CENPE: variants seen among roughly 807,000 people sequenced by gnomAD.
CENPE encodes centromere protein E.
In CENPE, 145 loss-of-function variants were observed where a neutral mutation model predicts 336.1. The observed-to-expected ratio is 0.43, with a 90% CI of 0.38 to 0.50. The LOEUF (loss-of-function observed/expected upper bound fraction) is 0.50. Among genes scored for constraint, CENPE ranks in the 20% least tolerant of loss-of-function variants. The pLI, the probability that CENPE is intolerant of heterozygous loss-of-function variation, is 0.00. For synonymous variants in CENPE, 1,013 were observed against 984.8 expected (o/e 1.03, Z -0.54); for missense variants, 2,719 against 3,023.3 (o/e 0.90, Z 2.36).
chr4:103,182,499 AAATT>A (rs1327894078), intron 11 of CENPE, among the ~76,000 whole-genome samples: 1 of 152,228 alleles, frequency 6.6e-6, no homozygotes, highest in Non-Finnish European at 1.5e-5. Flanking sequence ...CTTTTACAAT[AAATT>A]AAGTACAAAA....
At chr4:103,197,921 A>G (rs1018088749) in intron 1 of CENPE, among the ~76,000 whole-genome samples, 1 of 152,350 alleles carries the variant, frequency 6.6e-6, no homozygotes, top group Admixed American at 6.5e-5. Context: ...TAAAATGACT[A>G]ACTGTGATGA....
chr4:103,110,581 A>G (rs1301161995), intron 47 of CENPE, among the ~76,000 whole-genome samples: 1 of 152,092 alleles, frequency 6.6e-6, no homozygotes, highest in Non-Finnish European at 1.5e-5. Flanking sequence ...GCCCCCTCAA[A>G]GGTCTTTGTT....
intron 43 of CENPE, 44 bp from the exon 44 acceptor site, chr4:103,120,377 G>C: frequency 6.8e-7 from 1 of 1,471,974 alleles, no homozygotes; most frequent in South Asian, 1.2e-5. Flanking sequence ...CATCAAGACA[G>C]AATCACAGTA....
In CENPE at chr4:103,174,796, T is replaced by G; in HGVS notation, c.1587A>C (p.Lys529Asn). ...CAAATTCATCCAAATCATTCTTTTC[T>G]TTTAATTTCAATTCCATTTCTTCTT... is the stretch of plus-strand genomic sequence containing the variant. ...TEKEEMELKL[K>N]EKNDLDEFEA... Residue 529 changes from lysine to asparagine, a missense_variant, in exon 16 of 49, where the codon AAA becomes AAC. By Grantham distance (94) the Lys-to-Asn change is moderately conservative. This residue lies in a region of CENPE where 2,437 missense variants were observed against 2,513.3 expected (regional missense o/e 0.97). Transcript: ENST00000265148. 5.8e-6 allele frequency: 9 copies of G among 1,554,884 alleles called. No individual in the cohort carries two copies. Among genetic ancestry groups the G allele is most frequent in the Non-Finnish European group, 7.8e-6 (9 of 1,150,176 alleles).
At chr4:103,160,075 T>G (rs549452558) in intron 21 of CENPE, among the ~76,000 whole-genome samples, 1 of 151,954 alleles carries the variant, frequency 6.6e-6, no homozygotes, top group South Asian at 2.1e-4. Context: ...ATAAGACGAG[T>G]AAATGAAATA....
At chr4:103,123,389 C>T (rs1370436920) in intron 42 of CENPE, among the ~76,000 whole-genome samples, 2 of 152,084 alleles carry the variant, frequency 1.3e-5, no homozygotes, top group Non-Finnish European at 2.9e-5. Flanking sequence ...TGCTGTATTG[C>T]AGTACTTGTG....
chr4:103,157,025 G>C (rs957986757), intron 24 of CENPE, among the ~76,000 whole-genome samples: 1 of 134,134 alleles, frequency 7.5e-6, no homozygotes, highest in Non-Finnish European at 1.5e-5. Context: ...ACCACGATGA[G>C]ATACTGCCTC....
At chr4:103,152,929 C>A in intron 25 of CENPE, 118 bp downstream of exon 25, 2 of 735,870 alleles carry the variant, frequency 2.7e-6, no homozygotes, top group Non-Finnish European at 4.3e-6. Flanking sequence ...AGTCGTCAGA[C>A]CATACACTTC....
chr4:103,175,837 G>C (rs1327516479), intron 15 of CENPE, 123 bp downstream of exon 15: 1 of 582,988 alleles, frequency 1.7e-6, no homozygotes, highest in Non-Finnish European at 2.9e-6. Context: ...AATGTAAAGA[G>C]AAAAGCCTTC....
chr4:103,154,804 C>T (rs1753836945), intron 24 of CENPE, among the ~76,000 whole-genome samples: 1 of 152,094 alleles, frequency 6.6e-6, no homozygotes, highest in Admixed American at 6.5e-5. Flanking sequence ...TAAGAATAAG[C>T]TTACTAATCA....
At position 103,148,705 on chromosome 4, in the gene CENPE, C is replaced by G. The variant is rs1263908125; in HGVS notation, c.3843+139G>C. On this transcript the variant is annotated intron_variant, in intron 28 of 48. Coordinates refer to ENST00000265148, the MANE Select transcript of CENPE (RefSeq NM_001813.3). ...TGCATTTCTATAACCTAGGAGTGTG[C>G]CTGCCACATTAAACACTCGACAAAT... 4 of 733,460 alleles carry G rather than the reference C, an allele frequency of 5.5e-6. No individual in the cohort carries two copies. The African/African-American group carries it at 7.1e-5, about 13-fold the overall frequency. 45.4% of individuals were successfully genotyped at this position (733,460 alleles called of 1,614,324 possible). A position where few individuals can be genotyped will look rare whatever the true frequency, so the allele number is the denominator to read the frequency against.
chr4:103,113,206 G>GTA (rs1336290677), intron 46 of CENPE, among the ~76,000 whole-genome samples: 1 of 129,582 alleles, frequency 7.7e-6, no homozygotes, highest in Non-Finnish European at 1.6e-5. Context: ...GTATATAAGT[G>GTA]TATATATATA....
chr4:103,183,508 A>G (rs1756494823), intron 9 of CENPE, among the ~76,000 whole-genome samples: 1 of 152,196 alleles, frequency 6.6e-6, no homozygotes, highest in African/African-American at 2.4e-5. Context: ...GAAAAATAGT[A>G]AAAAGAAAAA....
chr4:103,190,254 C>T (rs753470948), intron 8 of CENPE, among the ~76,000 whole-genome samples: 2 of 152,184 alleles, frequency 1.3e-5, no homozygotes, highest in Non-Finnish European at 2.9e-5. Context: ...TCCCCATCAG[C>T]TACCAATGAC....
chr4:103,186,087 T>C (rs1320417853), intron 8 of CENPE, among the ~76,000 whole-genome samples: 1 of 152,202 alleles, frequency 6.6e-6, no homozygotes, highest in African/African-American at 2.4e-5. Flanking sequence ...TTCTGTTTCC[T>C]ATACAAGGTC....
chr4:103,120,128 T>C lies in CENPE; in HGVS notation c.7329+20A>G. ...AACAAACAAACAAACAAACAACTTT[T>C]ATTTTTATGTTTAAGTTACCTGAAG... On this transcript the variant is annotated intron_variant, in intron 44 of 48. Coordinates refer to ENST00000265148, the MANE Select transcript of CENPE (RefSeq NM_001813.3). 6.5e-7 allele frequency: 1 copy of C among 1,539,342 alleles called. No homozygotes were observed. The highest frequency in any genetic ancestry group is 8.8e-7 in the Non-Finnish European group (1 of 1,130,940).
intron 36 of CENPE, among the ~76,000 whole-genome samples, 179 bp downstream of exon 36, chr4:103,140,634 TC>T (rs1422462781): frequency 1.3e-5 from 2 of 152,096 alleles, no homozygotes; most frequent in Non-Finnish European, 2.9e-5. Context: ...TAAATCAATA[TC>T]ACAAAAAGAA....
chr4:103,170,925 T>C (rs1420624037), intron 16 of CENPE, among the ~76,000 whole-genome samples: 1 of 152,026 alleles, frequency 6.6e-6, no homozygotes, highest in African/African-American at 2.4e-5. Context: ...CATCAAAAAC[T>C]GTGAAAAGAG....
At chr4:103,110,783 T>C (rs1007079936) in intron 47 of CENPE, 45 bp downstream of exon 47, 7 of 1,434,720 alleles carry the variant, frequency 4.9e-6, no homozygotes, top group Non-Finnish European at 5.6e-6. Flanking sequence ...TACATATATG[T>C]AATAGCCGTA....
Sources: allele counts gnomAD v4.1 joint callset (sites outside exome capture counted in the v4.1 genomes callset), GRCh38; gene constraint gnomAD v4.1.1; regional missense constraint gnomAD v4.1.1; transcripts MANE v1.5; gene names NCBI Gene and HGNC (gene_info 2026-07-23, HGNC 2026-07-21).